Variants in ZNF780A observed in about 807,000 individuals in gnomAD.
The protein encoded by ZNF780A is zinc finger protein 780A.
Under a neutral mutation model 56.7 loss-of-function variants are expected in ZNF780A, and 40 were observed. The observed-to-expected ratio is 0.71, with a 90% CI of 0.55 to 0.92. The LOEUF (loss-of-function observed/expected upper bound fraction) is 0.92, where lower values mean the gene tolerates loss of function less well. Among genes scored for constraint, ZNF780A ranks in the 40% least tolerant of loss-of-function variants. ZNF780A has a pLI of 0.00. For synonymous variants in ZNF780A, 231 were observed against 248.3 expected, an observed-to-expected ratio of 0.93 and a Z score of 0.66; for missense variants, 672 against 783.3, an observed-to-expected ratio of 0.86 and a Z score of 1.70.
intron 3 of ZNF780A, 141 bp downstream of exon 3, chr19:40,084,604 T>C: frequency 1.2e-6 from 1 of 817,348 alleles, no homozygotes; most frequent in South Asian, 1.9e-5. Context: ...TTTTTTTTTT[T>C]TGTCACCAAC....
At chr19:40,086,303 T>C (rs1158015880) in intron 2 of ZNF780A, among the ~76,000 whole-genome samples, 1 of 152,158 alleles carries the variant, frequency 6.6e-6, no homozygotes, top group African/African-American at 2.4e-5. Context: ...TATGCATTAA[T>C]GATAGTCTAT....
At chr19:40,086,281 A>G (rs979151337) in intron 2 of ZNF780A, among the ~76,000 whole-genome samples, 81 of 152,148 alleles carry the variant, frequency 5.3e-4, no homozygotes, top group Non-Finnish European at 2.2e-4. Flanking sequence ...CAAGTCCCCA[A>G]CCAATGTCTT....
downstream of ZNF780A, chr19:40,071,408 A>T (rs1457688408): frequency 1.3e-5 from 2 of 152,214 alleles, no homozygotes; most frequent in Non-Finnish European, 2.9e-5. Context: ...AAGGTTCCAG[A>T]CAAAATAATC....
intron 5 of ZNF780A, among the ~76,000 whole-genome samples, chr19:40,081,299 G>A (rs960960615): frequency 8.6e-5 from 13 of 152,004 alleles, no homozygotes; most frequent in East Asian, 3.9e-4. Flanking sequence ...TTGGGAGGCC[G>A]AGGCGGGCAG....
chr19:40,074,406 T>G lies in ZNF780A; in HGVS notation c.*110A>C. The G allele has an allele frequency of 6.4e-7, 1 of 1,552,142 alleles. No individual in the cohort carries two copies. Among genetic ancestry groups the G allele is most frequent in the Non-Finnish European group, 8.7e-7 (1 of 1,153,540 alleles). On this transcript the variant is annotated 3_prime_UTR_variant, in exon 6 of 6. Coordinates refer to ENST00000683561, the MANE Select transcript of ZNF780A (RefSeq NM_001142578.2). Reference sequence around the variant, plus strand: ...TGCTGAATAACGTTTGAACCACAAATGAAGCCTTTCCCACACCCCTTACAT... The same window carrying G: ...TGCTGAATAACGTTTGAACCACAAAGGAAGCCTTTCCCACACCCCTTACAT...
chr19:40,075,192 T>C lies in ZNF780A; in HGVS notation c.1250A>G (p.Tyr417Cys). Residue 417 changes from tyrosine (Y) to cysteine (C), a missense_variant, in exon 6 of 6, where the codon TAT becomes TGT. Tyr to Cys is a radical substitution (Grantham distance 194, BLOSUM62 -2). Transcript: ENST00000683561. ...GCCTTTCCCACACTCCTTACATTCA[T>C]ATGGTTTTATACCAGCATGAATACT... ...HQSIHAGIKP[Y>C]ECKECGKGFN... is the part of the protein sequence containing the mutation. The C allele has an allele frequency of 6.2e-7, 1 of 1,613,200 alleles. No individual in the cohort carries two copies. The highest frequency in any genetic ancestry group is 8.5e-7 in the Non-Finnish European group (1 of 1,179,820).
chr19:40,073,800 A>C lies in ZNF780A; in HGVS notation c.*716T>G. The C allele has an allele frequency of 1.0e-6, 1 of 988,556 alleles. No individual in the cohort carries two copies. Among genetic ancestry groups the C allele is most frequent in the Non-Finnish European group, 1.2e-6 (1 of 831,942 alleles). 61.2% of individuals were successfully genotyped at this position (988,556 alleles called of 1,614,324 possible). A position where few individuals can be genotyped will look rare whatever the true frequency, so the allele number is the denominator to read the frequency against. ...CATCAATATGAGCTCTCTGGTGTTG[A>C]GTAAATTTTTCGTACACAGTGAAGG... On this transcript the variant is annotated 3_prime_UTR_variant, in exon 6 of 6. Coordinates refer to ENST00000683561, the MANE Select transcript of ZNF780A (RefSeq NM_001142578.2).
chr19:40,088,919 C>T (rs192891064), intron 2 of ZNF780A, among the ~76,000 whole-genome samples: 6 of 152,264 alleles, frequency 3.9e-5, no homozygotes, highest in Non-Finnish European at 1.5e-5. Context: ...CACAGAAAGA[C>T]ATATGATCTC....
intron 3 of ZNF780A, among the ~76,000 whole-genome samples, chr19:40,083,797 A>G (rs892345934): frequency 3.9e-5 from 6 of 152,182 alleles, no homozygotes; most frequent in Non-Finnish European, 4.4e-5. Flanking sequence ...AAGCTGCATT[A>G]AAGTCAATAG....
In ZNF780A at chr19:40,083,128, C is replaced by T. The variant is rs769744289; in HGVS notation, c.119G>A (p.Ser40Asn). The T allele has an allele frequency of 1.2e-6, 2 of 1,614,200 alleles. No individual in the cohort carries two copies. Among genetic ancestry groups the T allele is most frequent in the Non-Finnish European group, 1.7e-6 (2 of 1,180,036 alleles). ...GACCTTACCCAGTGAGATCAGGTGG[C>T]TGTAGTTCTCCAACATCACATCCCT... ...LYRDVMLENY[S>N]HLISLGSSIS... The change falls in exon 4 of 6, where the codon AGC (serine) becomes AAC (asparagine). Residue 40 changes from serine (S) to asparagine (N), a missense_variant. Ser to Asn is a conservative substitution (Grantham distance 46). Coordinates refer to ENST00000683561, the MANE Select transcript of ZNF780A (RefSeq NM_001142578.2).
At position 40,076,138 on chromosome 19, in the gene ZNF780A, G is replaced by T. The variant is rs2144916010; in HGVS notation, c.304C>A (p.Gln102Lys). The T allele has an allele frequency of 6.2e-7, 1 of 1,602,288 alleles. No individual in the cohort carries two copies. Among genetic ancestry groups the T allele is most frequent in the African/African-American group, 1.3e-5 (1 of 74,272 alleles). ...GTTGTACTTATTTGCTTTATAACCT[G>T]TTTGGGTAAATTTACTTCAGAGGTA... The part of the protein sequence containing the change: ...NDTSEVNLPK[Q>K]VIKQISTTLG... Residue 102 changes from glutamine to lysine, a missense_variant, in exon 6 of 6, where the codon CAG becomes AAG. By Grantham distance (53) the Gln-to-Lys change is moderately conservative. Coordinates refer to ENST00000683561, the MANE Select transcript of ZNF780A (RefSeq NM_001142578.2).
chr19:40,089,178 G>A, intron 2 of ZNF780A: 2 of 1,291,014 alleles, frequency 1.5e-6, no homozygotes, highest in Non-Finnish European at 2.0e-6. Flanking sequence ...GATATTAAGT[G>A]TTCTCACCAC....
In ZNF780A at chr19:40,074,703, G is replaced by C; in HGVS notation, c.1739C>G (p.Thr580Ser). Residue 580 changes from threonine to serine, a missense_variant, in exon 6 of 6, where the codon ACT (threonine) becomes AGT (serine). By Grantham distance (58) the Thr-to-Ser change is moderately conservative (BLOSUM62 1). Transcript: ENST00000683561. ...MHLIRHQKLHTGEKPFECKEC... is the reference protein window; with the variant it reads ...MHLIRHQKLHSGEKPFECKEC... ...CTTACATTCAAAGGGTTTCTCACCA[G>C]TATGCAATTTCTGATGTCGAATAAG... 1 of 1,614,168 alleles carries C rather than the reference G, an allele frequency of 6.2e-7. No homozygotes were observed. Among genetic ancestry groups the C allele is most frequent in the South Asian group, 1.1e-5 (1 of 91,076 alleles).
intron 3 of ZNF780A, among the ~76,000 whole-genome samples, chr19:40,083,940 C>CGTG (rs1568455865): frequency 3.3e-5 from 5 of 151,954 alleles, no homozygotes; most frequent in African/African-American, 1.2e-4. Context: ...CACTCTGTTA[C>CGTG]CCAGGCTGGA....
intron 2 of ZNF780A, among the ~76,000 whole-genome samples, chr19:40,085,986 T>TTTA (rs1974775529): frequency 6.7e-6 from 1 of 150,280 alleles, no homozygotes; most frequent in Non-Finnish European, 1.5e-5. Context: ...ATATATATAT[T>TTTA]TATATATATA....
At chr19:40,082,800 T>C (rs1326809640) in intron 4 of ZNF780A, among the ~76,000 whole-genome samples, 1 of 152,202 alleles carries the variant, frequency 6.6e-6, no homozygotes, top group African/African-American at 2.4e-5. Flanking sequence ...AGATCAAACA[T>C]AATATGAAAT....
intron 2 of ZNF780A, among the ~76,000 whole-genome samples, chr19:40,088,226 CATCTT>C (rs1299383752): frequency 1.3e-5 from 2 of 152,026 alleles, no homozygotes; most frequent in Non-Finnish European, 2.9e-5. Flanking sequence ...AGTGAAGAGA[CATCTT>C]GTAGAATGAG....
At chr19:40,077,482 G>A (rs1974207796) in intron 5 of ZNF780A, among the ~76,000 whole-genome samples, 1 of 152,102 alleles carries the variant, frequency 6.6e-6, no homozygotes, top group Non-Finnish European at 1.5e-5. Flanking sequence ...ACTATTGTGA[G>A]GACAGCACCA....
At chr19:40,089,510 G>T in intron 2 of ZNF780A, 1 of 316,490 alleles carries the variant, frequency 3.2e-6, no homozygotes, top group Non-Finnish European at 5.8e-6. Flanking sequence ...CTGCTCTAAG[G>T]GGCTTTACGA....
Sources: allele counts gnomAD v4.1 joint callset (sites outside exome capture counted in the v4.1 genomes callset), GRCh38; gene constraint gnomAD v4.1.1; transcripts MANE v1.5; gene names NCBI Gene and HGNC (gene_info 2026-07-23, HGNC 2026-07-21).